HIP1: variants seen among roughly 807,000 people sequenced by gnomAD.
HIP1 encodes huntingtin-interacting protein 1.
In HIP1, 65 loss-of-function variants were observed where a neutral mutation model predicts 147.6. The ratio of observed to expected loss-of-function variants is 0.44; its 90% confidence interval spans 0.36 to 0.54. The LOEUF is 0.54. Among genes scored for constraint, HIP1 ranks in the 20% least tolerant of loss-of-function variants. The pLI is 0.00. For synonymous variants in HIP1, 479 were observed against 504.0 expected, an observed-to-expected ratio of 0.95 and a Z score of 0.67; for missense variants, 1,061 against 1,299.6, an observed-to-expected ratio of 0.82 and a Z score of 2.82.
chr7:75,720,475 A>G (rs1554521164), intron 1 of HIP1, among the ~76,000 whole-genome samples: 1 of 152,030 alleles, frequency 6.6e-6, no homozygotes, highest in East Asian at 1.9e-4. Flanking sequence ...GTTTCTTCTT[A>G]AAAGTTAAAG....
intron 1 of HIP1, among the ~76,000 whole-genome samples, chr7:75,664,222 AT>A (rs1210360897): frequency 7.8e-6 from 1 of 127,390 alleles, no homozygotes; most frequent in Admixed American, 7.8e-5. Flanking sequence ...ATATACATAT[AT>A]TGTGTGTGTA....
At chr7:75,645,777 G>A (rs1376457261) in intron 1 of HIP1, among the ~76,000 whole-genome samples, 5 of 152,174 alleles carry the variant, frequency 3.3e-5, no homozygotes, top group South Asian at 2.1e-4. Context: ...GAATGAAATC[G>A]TGTCCTTTGC....
intron 1 of HIP1, among the ~76,000 whole-genome samples, chr7:75,632,555 T>A (rs1798267350): frequency 8.6e-6 from 1 of 115,618 alleles, no homozygotes; most frequent in Non-Finnish European, 1.8e-5. Context: ...GCCTGGCTAA[T>A]TTTTTCTTTT....
At chr7:75,580,061 C>A (rs1290944566) in intron 7 of HIP1, among the ~76,000 whole-genome samples, 4 of 152,196 alleles carry the variant, frequency 2.6e-5, no homozygotes, top group African/African-American at 9.6e-5. Flanking sequence ...GGAGGCACCA[C>A]AGTTCTTGGC....
At chr7:75,730,975 T>G (rs1425432626) in intron 1 of HIP1, among the ~76,000 whole-genome samples, 1 of 151,166 alleles carries the variant, frequency 6.6e-6, no homozygotes, top group Non-Finnish European at 1.5e-5. Context: ...CCTCAAGTGA[T>G]CCGCCCGCCT....
Position 75,599,172 on chromosome 7 carries a change from C to T in HIP1, c.184+12G>A. ...TCAGGGTCGGTCTTCCAAGCAACAT[C>T]CAAAAGGATATTTCTGGCGTGTTTT... On this transcript the variant is annotated intron_variant, in intron 2 of 30. Transcript: ENST00000336926. 6.2e-7 allele frequency: 1 copy of T among 1,607,272 alleles called. No homozygotes were observed. The highest frequency in any genetic ancestry group is 8.5e-7 in the Non-Finnish European group (1 of 1,173,828).
At chr7:75,669,294 AC>A (rs1799663860) in intron 1 of HIP1, among the ~76,000 whole-genome samples, 4 of 152,234 alleles carry the variant, frequency 2.6e-5, no homozygotes, top group Admixed American at 2.6e-4. Flanking sequence ...AATGGTGTGA[AC>A]CCGGGAGGTG....
Position 75,713,871 on chromosome 7 carries a change from T to C in HIP1, c.120+24930A>G, listed in dbSNP as rs1383988272. 2.6e-5 allele frequency among the ~76,000 whole-genome samples: 4 copies of C among 151,610 alleles called. No homozygotes were observed. The East Asian group carries it at 7.8e-4, about 30-fold the overall frequency. ...GTGCACCACAATGCCCAGCATTTTTTGTATTTTTAGTAGAGACAGGGTTTC... is the reference window on the plus strand; with the variant it reads ...GTGCACCACAATGCCCAGCATTTTTCGTATTTTTAGTAGAGACAGGGTTTC... On this transcript the variant is annotated intron_variant, in intron 1 of 30. Coordinates refer to ENST00000336926, the MANE Select transcript of HIP1 (RefSeq NM_005338.7).
rs1554492539 is a variant in HIP1, at chr7:75,553,542, G to A, written c.2206C>T (p.Leu736=). The change falls in exon 22 of 31, where the codon CTG becomes TTG. Residue 736 remains leucine (L), a synonymous_variant. Coordinates refer to ENST00000336926, the MANE Select transcript of HIP1 (RefSeq NM_005338.7). ...CTTCCCTCTTCCTCCAGGGAGGCCA[G>A]GTAGGCGAGGGTTTCCCTGCCATAC... ...KQYGRETLAY[L]ASLEEEGSLE... The A allele has an allele frequency of 6.2e-7, 1 of 1,614,148 alleles. No homozygotes were observed.
chr7:75,637,651 G>A (rs1275077137), intron 1 of HIP1, among the ~76,000 whole-genome samples: 1 of 142,800 alleles, frequency 7.0e-6, no homozygotes, highest in Non-Finnish European at 1.5e-5. Context: ...GGCACTCACT[G>A]CCCAACCATG....
intron 1 of HIP1, among the ~76,000 whole-genome samples, chr7:75,688,626 A>C (rs1324260757): frequency 6.6e-6 from 1 of 151,998 alleles, no homozygotes; most frequent in South Asian, 2.1e-4. Flanking sequence ...CGAGCCCACC[A>C]CCAGCAGCTG....
chr7:75,566,420 A>G (rs1358934668), intron 9 of HIP1, among the ~76,000 whole-genome samples: 1 of 151,562 alleles, frequency 6.6e-6, no homozygotes, highest in Non-Finnish European at 1.5e-5. Context: ...AGCCCAGAAT[A>G]GCAGCTGTTA....
At chr7:75,570,772 C>T (rs868916507) in intron 8 of HIP1, among the ~76,000 whole-genome samples, 27 of 151,832 alleles carry the variant, frequency 1.8e-4, no homozygotes, top group East Asian at 3.9e-4. Context: ...TTTGGGAGGC[C>T]GAGGCAGGAG....
chr7:75,690,302 A>G (rs1554518006), intron 1 of HIP1, among the ~76,000 whole-genome samples: 1 of 152,060 alleles, frequency 6.6e-6, no homozygotes, highest in Admixed American at 6.6e-5. Context: ...ACAAAAGGTA[A>G]AGGACTTGAA....
intron 13 of HIP1, among the ~76,000 whole-genome samples, chr7:75,560,254 G>C (rs1260941093): frequency 6.6e-6 from 1 of 151,046 alleles, no homozygotes; most frequent in Admixed American, 6.6e-5. Context: ...TTTTTTTGGC[G>C]GTTGGGGGAG....
intron 1 of HIP1, among the ~76,000 whole-genome samples, chr7:75,702,206 G>A (rs1234663640): frequency 6.6e-6 from 1 of 152,006 alleles, no homozygotes; most frequent in Non-Finnish European, 1.5e-5. Context: ...TGCCTTCGGA[G>A]TTCAAGCGAT....
chr7:75,671,741 C>T (rs1033683237), intron 1 of HIP1, among the ~76,000 whole-genome samples: 4 of 148,184 alleles, frequency 2.7e-5, no homozygotes, highest in Non-Finnish European at 4.5e-5. Context: ...TCATGTTTTC[C>T]TTTTTTTTAA....
intron 29 of HIP1, among the ~76,000 whole-genome samples, chr7:75,540,136 A>G (rs1425888106): frequency 1.3e-5 from 2 of 152,152 alleles, no homozygotes; most frequent in African/African-American, 2.4e-5. Flanking sequence ...TAATTCAAGG[A>G]ATATTTGCTG....
chr7:75,549,031 C>A (rs916491357), intron 22 of HIP1, 30 bp from the exon 23 acceptor site: 6 of 1,472,672 alleles, frequency 4.1e-6, no homozygotes, highest in Non-Finnish European at 5.7e-6. Context: ...GCTGAACTGA[C>A]CTTGGGGCCT....
Sources: gnomAD v4.1 joint callset for allele counts (sites outside exome capture counted in the v4.1 genomes callset) on GRCh38, gnomAD v4.1.1 for gene constraint, MANE v1.5 for transcripts, NCBI Gene and HGNC (gene_info 2026-07-23, HGNC 2026-07-21) for gene names.